Variants in ABLIM1 observed in about 807,000 individuals in gnomAD.
The protein encoded by ABLIM1 is actin-binding LIM protein 1.
In ABLIM1, 40 loss-of-function variants were observed where a neutral mutation model predicts 107.0. The ratio of observed to expected loss-of-function variants is 0.37; its 90% CI spans 0.29 to 0.49. The LOEUF (loss-of-function observed/expected upper bound fraction) is 0.49. Among genes scored for constraint, ABLIM1 ranks in the 20% least tolerant of loss-of-function variants. The probability of loss-of-function intolerance (pLI) is 0.97; values close to 1 mark genes in which losing one functional copy is unlikely to be tolerated. For synonymous variants in ABLIM1, 357 were observed against 357.3 expected (o/e 1.00, Z 0.01); for missense variants, 857 against 1,008.5 (o/e 0.85, Z 2.04).
intron 1 of ABLIM1, among the ~76,000 whole-genome samples, chr10:114,757,645 C>T (rs2082660568): frequency 6.6e-6 from 1 of 152,204 alleles, no homozygotes; most frequent in Non-Finnish European, 1.5e-5. Flanking sequence ...GCTCTCCTCC[C>T]ATTTGGTCCA....
At chr10:114,574,508 C>T (rs2497746) in intron 3 of ABLIM1, among the ~76,000 whole-genome samples, 1,932 of 152,022 alleles carry the variant, frequency 0.013, 33 homozygotes, top group African/African-American at 0.044. Flanking sequence ...GGCACGATCT[C>T]GGCTCACTGC....
chr10:114,454,597 G>T (rs1019828091), intron 12 of ABLIM1, among the ~76,000 whole-genome samples: 6 of 152,140 alleles, frequency 3.9e-5, no homozygotes, highest in Admixed American at 2.0e-4. Flanking sequence ...AGGGGTGGCT[G>T]CAAAAGCTTT....
chr10:114,549,612 C>G (rs369839204), intron 4 of ABLIM1, among the ~76,000 whole-genome samples: 172 of 151,944 alleles, frequency 1.1e-3, no homozygotes, highest in African/African-American at 3.8e-3. Context: ...TATTTTATGT[C>G]TAAGATTTTA....
chr10:114,487,353 G>C (rs1475468053), intron 8 of ABLIM1, among the ~76,000 whole-genome samples: 1 of 152,208 alleles, frequency 6.6e-6, no homozygotes, highest in East Asian at 1.9e-4. Flanking sequence ...TAGGGCATCT[G>C]AACAGGACAG....
rs534642085 is a variant in ABLIM1 at position 114,629,456 on chromosome 10, C to G, written c.245-27495G>C. 2.0e-5 allele frequency among the ~76,000 whole-genome samples: 3 copies of G among 152,300 alleles called. No individual in the cohort carries two copies. In the East Asian group the frequency reaches 5.8e-4, roughly 29 times the overall value. On this transcript the variant is annotated intron_variant, in intron 1 of 22. Transcript: ENST00000533213. The surrounding 1 kb of genome is among the most constrained non-coding windows in gnomAD (Gnocchi z 4.0). ...ATCAAGAAGGCACAGGTTCCTGTTC[C>G]TGCTCTGACAACGGGCCAACCTGTT...
chr10:114,629,741 G>A lies in ABLIM1; in HGVS notation c.245-27780C>T, dbSNP rs2078045484. 6.6e-6 allele frequency among the ~76,000 whole-genome samples: 1 copy of A among 152,172 alleles called. No individual in the cohort carries two copies. The highest frequency in any genetic ancestry group is 1.5e-5 in the Non-Finnish European group (1 of 68,038). On this transcript the variant is annotated intron_variant, in intron 1 of 22. Coordinates refer to ENST00000533213, the MANE Select transcript of ABLIM1 (RefSeq NM_002313.7). The surrounding 1 kb of genome is among the most constrained non-coding windows in gnomAD (Gnocchi z 4.0). The stretch of plus-strand genomic sequence containing the variant: ...TCCCCAGTTTTCTCATCTCTAGGAT[G>A]AATGCCTGGACTAAACGATCCCCAG...
At chr10:114,469,685 C>T (rs899066588) in intron 10 of ABLIM1, among the ~76,000 whole-genome samples, 5 of 152,200 alleles carry the variant, frequency 3.3e-5, no homozygotes, top group East Asian at 1.9e-4. Context: ...CTGTCTCCCA[C>T]GTGATGCCAC....
At chr10:114,681,631 A>G (rs1210733722) in intron 1 of ABLIM1, among the ~76,000 whole-genome samples, 1 of 152,204 alleles carries the variant, frequency 6.6e-6, no homozygotes, top group Non-Finnish European at 1.5e-5. Context: ...AATTCACATG[A>G]CAGCAGGACA....
intron 6 of ABLIM1, among the ~76,000 whole-genome samples, chr10:114,531,482 A>G (rs2065445194): frequency 6.6e-6 from 1 of 152,186 alleles, no homozygotes; most frequent in South Asian, 2.1e-4. Context: ...CATGTAAGCA[A>G]CTTGCTGAGA....
intron 1 of ABLIM1, among the ~76,000 whole-genome samples, chr10:114,708,945 G>A (rs899433553): frequency 2.0e-5 from 3 of 152,104 alleles, no homozygotes; most frequent in African/African-American, 7.2e-5. Context: ...CCCTCTTCCA[G>A]GTCAGCATTG....
At chr10:114,689,368 T>G (rs1001353137), upstream of ABLIM1, among the ~76,000 whole-genome samples, 1 of 150,144 alleles carries the variant, frequency 6.7e-6, no homozygotes, top group African/African-American at 2.4e-5. Context: ...ATATTGGTTT[T>G]TTTTTTTTTT....
At chr10:114,517,830 G>C (rs1375674468) in intron 6 of ABLIM1, among the ~76,000 whole-genome samples, 7 of 152,122 alleles carry the variant, frequency 4.6e-5, no homozygotes, top group African/African-American at 1.7e-4. Flanking sequence ...AAGTTAGGCT[G>C]AAACAAAACC....
intron 4 of ABLIM1, among the ~76,000 whole-genome samples, chr10:114,563,488 G>A (rs952549475): frequency 1.3e-5 from 2 of 152,052 alleles, no homozygotes; most frequent in Admixed American, 6.6e-5. Flanking sequence ...GCGCCAATGC[G>A]GTTTCTTAGT....
At chr10:114,676,486 C>T (rs963251951) in intron 1 of ABLIM1, among the ~76,000 whole-genome samples, 18 of 143,888 alleles carry the variant, frequency 1.3e-4, no homozygotes, top group Non-Finnish European at 2.2e-4. Flanking sequence ...AAAAAAGACT[C>T]TGTCTCAAAA....
At chr10:114,686,090 A>G (rs1287144421), upstream of ABLIM1, among the ~76,000 whole-genome samples, 2 of 152,224 alleles carry the variant, frequency 1.3e-5, no homozygotes, top group Admixed American at 1.3e-4. Context: ...GTGGGGGAGC[A>G]GGCAATCCAA....
At chr10:114,545,172 C>T in intron 5 of ABLIM1, 74 bp from the exon 6 acceptor site, 1 of 1,336,686 alleles carries the variant, frequency 7.5e-7, no homozygotes, top group South Asian at 1.2e-5. Context: ...CCACATTTCT[C>T]CAAGGCCTTT....
At chr10:114,621,773 G>A (rs1470077309) in intron 1 of ABLIM1, among the ~76,000 whole-genome samples, 2 of 152,140 alleles carry the variant, frequency 1.3e-5, no homozygotes, top group African/African-American at 2.4e-5. Context: ...CCAGTGTGTC[G>A]AGTTATTCTC....
chr10:114,475,173 T>A (rs1039389174), intron 8 of ABLIM1, among the ~76,000 whole-genome samples: 1 of 152,206 alleles, frequency 6.6e-6, no homozygotes, highest in Non-Finnish European at 1.5e-5. Context: ...GTCTCTCACC[T>A]GTCATCACTC....
chr10:114,557,312 T>G (rs1485272106), intron 4 of ABLIM1, among the ~76,000 whole-genome samples: 1 of 152,304 alleles, frequency 6.6e-6, no homozygotes, highest in Non-Finnish European at 1.5e-5. Flanking sequence ...AGTGCTATTT[T>G]AAGTGAAGGT....
Sources: allele counts gnomAD v4.1 joint callset (sites outside exome capture counted in the v4.1 genomes callset), GRCh38; gene constraint gnomAD v4.1.1; non-coding constraint Gnocchi (gnomAD v3.1); transcripts MANE v1.5; gene names NCBI Gene and HGNC (gene_info 2026-07-23, HGNC 2026-07-21).